RASAL2: variants seen among roughly 807,000 people sequenced by gnomAD.
RASAL2 encodes ras GTPase-activating protein nGAP.
RASAL2 carries 58 observed loss-of-function variants against 128.9 expected under a neutral mutation model. The ratio of observed to expected loss-of-function variants is 0.45; its 90% CI spans 0.36 to 0.56. The LOEUF (loss-of-function observed/expected upper bound fraction) is 0.56. Ranked by LOEUF, RASAL2 falls within the 20% of genes least tolerant of loss-of-function variation. The pLI, the probability that RASAL2 is intolerant of heterozygous loss-of-function variation, is 0.00. For missense variants in RASAL2, 1,360 were observed against 1,601.6 expected, an observed-to-expected ratio of 0.85 and a Z score of 2.57; for synonymous variants, 561 against 580.8, an observed-to-expected ratio of 0.97 and a Z score of 0.49.
intron 1 of RASAL2, among the ~76,000 whole-genome samples, chr1:178,185,531 A>G (rs985516938): frequency 6.6e-6 from 1 of 151,430 alleles, no homozygotes; most frequent in African/African-American, 2.4e-5. Context: ...GCTTGGGGGT[A>G]TATAAGAAGG....
intron 1 of RASAL2, among the ~76,000 whole-genome samples, chr1:178,213,981 T>C (rs1308136412): frequency 6.6e-6 from 1 of 152,092 alleles, no homozygotes; most frequent in Non-Finnish European, 1.5e-5. Context: ...CTCATACCTG[T>C]AATTCTAACA....
At chr1:178,415,714 C>G (rs1195792591) in intron 4 of RASAL2, among the ~76,000 whole-genome samples, 1 of 152,096 alleles carries the variant, frequency 6.6e-6, no homozygotes, top group Non-Finnish European at 1.5e-5. Context: ...GCAACTCTTA[C>G]CAGTTTTGCC....
At chr1:178,193,019 A>T (rs1006547063) in intron 1 of RASAL2, among the ~76,000 whole-genome samples, 1 of 152,128 alleles carries the variant, frequency 6.6e-6, no homozygotes, top group Non-Finnish European at 1.5e-5. Context: ...TTATTTTTTT[A>T]AAAAAACAAA....
intron 1 of RASAL2, among the ~76,000 whole-genome samples, chr1:178,153,239 A>G (rs1468631048): frequency 6.6e-6 from 1 of 151,990 alleles, no homozygotes; most frequent in East Asian, 1.9e-4. Flanking sequence ...CATGTTCTCT[A>G]TGTTTATAGT....
intron 4 of RASAL2, among the ~76,000 whole-genome samples, chr1:178,393,850 GA>G (rs1673060580): frequency 1.3e-5 from 2 of 152,150 alleles, no homozygotes; most frequent in African/African-American, 4.8e-5. Context: ...AAATATGCAT[GA>G]ATTATCAAAG....
At chr1:178,308,848 CTG>C (rs1439928095) in intron 3 of RASAL2, among the ~76,000 whole-genome samples, 1 of 152,002 alleles carries the variant, frequency 6.6e-6, no homozygotes, top group Non-Finnish European at 1.5e-5. Context: ...AGTGAGGACT[CTG>C]TTTTTATTCC....
rs1392032535 is a variant in RASAL2 at position 178,300,113 on chromosome 1, A to T, written c.452A>T (p.Lys151Ile). ...GAGTACCCACCAGAGGGCGCCACTA[A>T]ACTGGGTAAGCTACTATGAAAAGGA... The part of the protein sequence containing the change: ...FPEYPPEGAT[K>I]LEVPAERSPR... The change falls in exon 3 of 18, where the codon AAA (lysine) becomes ATA (isoleucine). Residue 151 changes from lysine (K) to isoleucine (I), a missense_variant. By Grantham distance (102) the Lys-to-Ile change is moderately radical. Coordinates refer to ENST00000367649, the MANE Select transcript of RASAL2 (RefSeq NM_170692.4). The T allele has an allele frequency of 5.0e-6, 8 of 1,612,110 alleles. No individual in the cohort carries two copies. The highest frequency in any genetic ancestry group is 6.8e-6 in the Non-Finnish European group (8 of 1,179,390).
intron 1 of RASAL2, among the ~76,000 whole-genome samples, chr1:178,180,803 G>A (rs1662080622): frequency 6.6e-6 from 1 of 150,842 alleles, no homozygotes; most frequent in African/African-American, 2.4e-5. Context: ...TAATAATCCT[G>A]AAAAGTTACT....
At chr1:178,322,881 C>G (rs12075747) in intron 3 of RASAL2, among the ~76,000 whole-genome samples, 1 of 152,046 alleles carries the variant, frequency 6.6e-6, no homozygotes, top group Admixed American at 6.5e-5. Flanking sequence ...TTTTACCCAC[C>G]ACAGGTATGT....
chr1:178,106,307 G>C (rs192740599), intron 1 of RASAL2, among the ~76,000 whole-genome samples: 15 of 152,316 alleles, frequency 9.8e-5, no homozygotes, highest in Non-Finnish European at 1.8e-4. Flanking sequence ...TTGTGCTGAA[G>C]TATAGCATAT....
intron 5 of RASAL2, among the ~76,000 whole-genome samples, chr1:178,429,719 C>G (rs1675760733): frequency 6.6e-6 from 1 of 152,104 alleles, no homozygotes; most frequent in Admixed American, 6.6e-5. Flanking sequence ...TCCTGTCACT[C>G]CTGCCAAAAG....
chr1:178,104,976 A>C (rs986274319), intron 1 of RASAL2, among the ~76,000 whole-genome samples: 2 of 152,196 alleles, frequency 1.3e-5, no homozygotes, highest in Admixed American at 1.3e-4. Context: ...AGAAGCACAC[A>C]GTTGGTAACT....
intron 1 of RASAL2, among the ~76,000 whole-genome samples, chr1:178,264,432 C>A (rs984571693): frequency 4.6e-5 from 7 of 152,270 alleles, no homozygotes; most frequent in African/African-American, 1.7e-4. Flanking sequence ...TCTCTCTAAA[C>A]CCTCATGCAC....
At chr1:178,438,102 TTGTG>T (rs58641965) in intron 5 of RASAL2, among the ~76,000 whole-genome samples, 8,775 of 141,986 alleles carry the variant, frequency 0.062, 445 homozygotes, top group African/African-American at 0.13. Flanking sequence ...AAATGGTGGC[TTGTG>T]TGTGTGTGTG....
At chr1:178,320,666 G>A (rs956380774) in intron 3 of RASAL2, among the ~76,000 whole-genome samples, 4 of 152,098 alleles carry the variant, frequency 2.6e-5, no homozygotes, top group Non-Finnish European at 5.9e-5. Context: ...CACGGTGCGC[G>A]CACCCACTGA....
chr1:178,229,907 C>G (rs1663932364), intron 1 of RASAL2, among the ~76,000 whole-genome samples: 1 of 152,138 alleles, frequency 6.6e-6, no homozygotes, highest in African/African-American at 2.4e-5. Flanking sequence ...CCTATCAAAG[C>G]TTAGAAAGTT....
At chr1:178,336,188 C>T (rs1571881340) in intron 3 of RASAL2, among the ~76,000 whole-genome samples, 1 of 143,632 alleles carries the variant, frequency 7.0e-6, no homozygotes, top group Admixed American at 7.0e-5. Flanking sequence ...CTTTTTCTTC[C>T]TTTTTTTTTT....
In RASAL2 at chr1:178,291,287, AG is replaced by A. The variant is rs1395472143; in HGVS notation, c.330+7598del. Among the ~76,000 whole-genome samples the A allele has an allele frequency of 3.9e-5, 6 of 152,358 alleles. No individual in the cohort carries two copies. The East Asian group carries it at 1.2e-3, about 29-fold the overall frequency. On this transcript the variant is annotated intron_variant, in intron 2 of 17. Coordinates refer to ENST00000367649, the MANE Select transcript of RASAL2 (RefSeq NM_170692.4). Reference sequence around the variant, plus strand: ...AGAACTAGGTAATGAAGAACCTTGAAGGCTATGATGAGGAATTTGGATTTTA... The same window carrying A: ...AGAACTAGGTAATGAAGAACCTTGAAGCTATGATGAGGAATTTGGATTTTA...
rs553487809 is a variant in RASAL2, at chr1:178,369,716, G to A, written c.458-20384G>A. On this transcript the variant is annotated intron_variant, in intron 3 of 17. Coordinates refer to ENST00000367649, the MANE Select transcript of RASAL2 (RefSeq NM_170692.4). ...GAATCCTTAAATCAGGATATCTTTA[G>A]TATTAAGATATCTGCAATACATGAA... Among the ~76,000 whole-genome samples, 4 of 152,146 alleles carry A rather than the reference G, an allele frequency of 2.6e-5. No individual in the cohort carries two copies. The South Asian group carries it at 8.3e-4, about 32-fold the overall frequency.
Sources: allele counts gnomAD v4.1 joint callset (sites outside exome capture counted in the v4.1 genomes callset), GRCh38; gene constraint gnomAD v4.1.1; transcripts MANE v1.5; gene names NCBI Gene and HGNC (gene_info 2026-07-23, HGNC 2026-07-21).